CNBD1: variants seen among roughly 807,000 people sequenced by gnomAD.
The protein encoded by CNBD1 is cyclic nucleotide-binding domain-containing protein 1.
In CNBD1, 71 loss-of-function variants were observed where a neutral mutation model predicts 54.4. The observed-to-expected ratio is 1.30, with a 90% CI of 1.08 to 1.59. The LOEUF (loss-of-function observed/expected upper bound fraction) is 1.59, where lower values mean the gene tolerates loss of function less well. Ranked by LOEUF, CNBD1 falls within the 40% of genes most tolerant of loss-of-function variation. The probability of loss-of-function intolerance (pLI) is 0.00; values close to 1 mark genes in which losing one functional copy is unlikely to be tolerated. For missense variants in CNBD1, 659 were observed against 518.0 expected, an observed-to-expected ratio of 1.27 and a Z score of -2.64; for synonymous variants, 182 against 170.7, an observed-to-expected ratio of 1.07 and a Z score of -0.51.
At position 87,191,752 on chromosome 8, in the gene CNBD1, G is replaced by A. The variant is rs371956741; in HGVS notation, c.432-14241G>A. ...AGAAATGCCTATCAAGAAACACCCC[G>A]ACTGCCCACTGTGTGGACCCAGCAG... On this transcript the variant is annotated intron_variant, in intron 4 of 10. Transcript: ENST00000518476. 5.3e-5 allele frequency among the ~76,000 whole-genome samples: 8 copies of A among 152,224 alleles called. No individual in the cohort carries two copies. In the South Asian group the frequency reaches 1.0e-3, roughly 20 times the overall value.
At chr8:86,875,071 C>G (rs553131680) in intron 1 of CNBD1, among the ~76,000 whole-genome samples, 1 of 148,616 alleles carries the variant, frequency 6.7e-6, no homozygotes, top group Non-Finnish European at 1.5e-5. Flanking sequence ...TAATGCAGCA[C>G]CACAGGCTCA....
intron 2 of CNBD1, among the ~76,000 whole-genome samples, chr8:87,405,715 G>A (rs1435267855): frequency 6.6e-6 from 1 of 152,084 alleles, no homozygotes; most frequent in Non-Finnish European, 1.5e-5. Flanking sequence ...TAGGATATGA[G>A]CATTTCTTTG....
Position 87,236,978 on chromosome 8 carries a change from G to T in CNBD1, c.637G>T (p.Val213Leu), listed in dbSNP as rs370736889. ...LKGLARPQTNVYKNLIEGSDS... is the reference protein window; with the variant it reads ...LKGLARPQTNLYKNLIEGSDS... ...AGGCCTAGCTCGACCTCAAACAAAC[G>T]TGTATAAAAATCTGATTGAAGGAAG... The change falls in exon 6 of 11, where the codon GTG (valine) becomes TTG (leucine). Residue 213 changes from valine (V) to leucine (L), a missense_variant. By Grantham distance (32) the Val-to-Leu change is conservative. Coordinates refer to ENST00000518476, the MANE Select transcript of CNBD1 (RefSeq NM_173538.3). The T allele has an allele frequency of 8.1e-6, 13 of 1,611,958 alleles. No individual in the cohort carries two copies. In the Admixed American group the frequency reaches 1.5e-4, roughly 19 times the overall value.
At chr8:87,345,041 C>T (rs920693281) in intron 8 of CNBD1, among the ~76,000 whole-genome samples, 1 of 152,156 alleles carries the variant, frequency 6.6e-6, no homozygotes, top group African/African-American at 2.4e-5. Context: ...TTATAGTGCA[C>T]TGTGCCTTAC....
chr8:86,983,408 G>A (rs955166412), intron 4 of CNBD1, among the ~76,000 whole-genome samples: 1 of 152,228 alleles, frequency 6.6e-6, no homozygotes, highest in Middle Eastern at 3.4e-3. Flanking sequence ...CAGTAGAGTG[G>A]GGCACTGCTG....
intron 4 of CNBD1, among the ~76,000 whole-genome samples, chr8:87,116,089 G>T (rs867298398): frequency 6.6e-6 from 1 of 150,742 alleles, no homozygotes; most frequent in South Asian, 2.1e-4. Context: ...AGCCTCTTTT[G>T]ATGACTTTGT....
chr8:87,352,132 C>T (rs963426700), intron 9 of CNBD1, among the ~76,000 whole-genome samples: 2 of 152,082 alleles, frequency 1.3e-5, no homozygotes, highest in Non-Finnish European at 2.9e-5. Context: ...TGACCTAATT[C>T]CACTCCAGAT....
At chr8:87,304,991 T>C (rs1021580471) in intron 8 of CNBD1, among the ~76,000 whole-genome samples, 7 of 152,104 alleles carry the variant, frequency 4.6e-5, no homozygotes, top group African/African-American at 1.2e-4. Flanking sequence ...AACAAGATGA[T>C]TGTTTACCTT....
At chr8:87,315,194 CAA>C (rs1238822901) in intron 8 of CNBD1, among the ~76,000 whole-genome samples, 1 of 151,870 alleles carries the variant, frequency 6.6e-6, no homozygotes, top group Non-Finnish European at 1.5e-5. Flanking sequence ...AATAGTGTAA[CAA>C]ATATTTTGTT....
chr8:87,243,942 A>T (rs1807751672), intron 6 of CNBD1, among the ~76,000 whole-genome samples: 2 of 151,532 alleles, frequency 1.3e-5, no homozygotes, highest in African/African-American at 2.4e-5. Flanking sequence ...TTTTTTAATT[A>T]AAAAAAATTT....
chr8:87,315,958 A>G (rs1809375880), intron 8 of CNBD1, among the ~76,000 whole-genome samples: 1 of 152,024 alleles, frequency 6.6e-6, no homozygotes, highest in South Asian at 2.1e-4. Context: ...ATAATATCAC[A>G]TGATGTGCCC....
chr8:87,389,632 C>T (rs1046379471), intron 2 of CNBD1, among the ~76,000 whole-genome samples: 3 of 152,126 alleles, frequency 2.0e-5, no homozygotes, highest in Non-Finnish European at 4.4e-5. Flanking sequence ...ACATTCCATG[C>T]CCATGGGTAG....
In CNBD1 at chr8:86,866,599, T is replaced by C; in HGVS notation, c.88+16T>C. 6.4e-7 allele frequency: 1 copy of C among 1,561,536 alleles called. No individual in the cohort carries two copies. Among genetic ancestry groups the C allele is most frequent in the South Asian group, 1.1e-5 (1 of 87,194 alleles). On this transcript the variant is annotated intron_variant, in intron 1 of 10. Coordinates refer to ENST00000518476, the MANE Select transcript of CNBD1 (RefSeq NM_173538.3). ...AGTATACCAAGTGAGTGGGAAATAC[T>C]TTGATGCTCTTATTCACCTACCATT...
At chr8:87,235,097 C>T (rs1807558551) in intron 5 of CNBD1, among the ~76,000 whole-genome samples, 2 of 152,140 alleles carry the variant, frequency 1.3e-5, no homozygotes, top group Admixed American at 1.3e-4. Flanking sequence ...AGCTTCCTCA[C>T]CCTCTCTTAA....
chr8:86,911,458 G>A (rs1162457087), intron 3 of CNBD1, among the ~76,000 whole-genome samples: 2 of 152,180 alleles, frequency 1.3e-5, no homozygotes, highest in African/African-American at 4.8e-5. Flanking sequence ...TATTCAAAAT[G>A]TGGCTTTTTA....
intron 6 of CNBD1, among the ~76,000 whole-genome samples, chr8:87,266,697 C>A (rs1158319762): frequency 6.6e-6 from 1 of 151,884 alleles, no homozygotes; most frequent in African/African-American, 2.4e-5. Flanking sequence ...GGTGATCTGC[C>A]TACCTCGGTC....
intron 8 of CNBD1, among the ~76,000 whole-genome samples, chr8:87,296,888 A>G (rs988945534): frequency 1.3e-5 from 2 of 152,056 alleles, no homozygotes; most frequent in African/African-American, 4.8e-5. Context: ...TAAAAAGTAA[A>G]AAATAAGGCC....
chr8:87,029,902 G>A (rs905458368), intron 4 of CNBD1, among the ~76,000 whole-genome samples: 1 of 151,902 alleles, frequency 6.6e-6, no homozygotes, highest in African/African-American at 2.4e-5. Context: ...GCACATATAG[G>A]TGCCTATGAC....
intron 4 of CNBD1, among the ~76,000 whole-genome samples, chr8:87,090,430 C>T (rs1346592285): frequency 6.6e-6 from 1 of 152,126 alleles, no homozygotes; most frequent in African/African-American, 2.4e-5. Context: ...AGACAGTAAT[C>T]CATCTGGATA....
Sources: gnomAD v4.1 joint callset for allele counts (sites outside exome capture counted in the v4.1 genomes callset) on GRCh38, gnomAD v4.1.1 for gene constraint, MANE v1.5 for transcripts, NCBI Gene and HGNC (gene_info 2026-07-23, HGNC 2026-07-21) for gene names.